Variants in DSCAM observed in about 807,000 individuals in gnomAD.
DSCAM encodes the protein DS cell adhesion molecule.
A neutral mutation model predicts 217.7 loss-of-function variants in DSCAM; 47 were observed. That is an observed-to-expected ratio of 0.22 (90% CI 0.17 to 0.28). The LOEUF is 0.28. Ranked by LOEUF, DSCAM falls within the 10% of genes least tolerant of loss-of-function variation. The pLI, the probability that DSCAM is intolerant of heterozygous loss-of-function variation, is 1.00. For synonymous variants in DSCAM, 1,056 were observed against 1,015.3 expected (o/e 1.04, Z -0.76); for missense variants, 2,080 against 2,618.3 (o/e 0.79, Z 4.49).
intron 3 of DSCAM, among the ~76,000 whole-genome samples, chr21:40,417,223 T>C (rs2075380636): frequency 6.6e-6 from 1 of 152,220 alleles, no homozygotes; most frequent in South Asian, 2.1e-4. Context: ...TAATATTTCA[T>C]ACAGATTTAA....
At chr21:40,578,344 A>C (rs1332558849) in intron 3 of DSCAM, among the ~76,000 whole-genome samples, 1 of 152,178 alleles carries the variant, frequency 6.6e-6, no homozygotes, top group Non-Finnish European at 1.5e-5. Context: ...ATCTAGCTAA[A>C]GGATTGTAAA....
intron 15 of DSCAM, among the ~76,000 whole-genome samples, chr21:40,168,999 AATTATC>A (rs1259078655): frequency 4.6e-5 from 7 of 152,188 alleles, no homozygotes; most frequent in Admixed American, 2.6e-4. Context: ...ATCATAATAT[AATTATC>A]ATTAAGTGTT....
chr21:40,744,505 T>C (rs1328778671), intron 1 of DSCAM, among the ~76,000 whole-genome samples: 2 of 151,990 alleles, frequency 1.3e-5, no homozygotes, highest in Admixed American at 1.3e-4. Context: ...CGTATTTAAG[T>C]CTTTCCCAGA....
intron 3 of DSCAM, among the ~76,000 whole-genome samples, chr21:40,651,502 A>G (rs1235394626): frequency 6.6e-6 from 1 of 152,138 alleles, no homozygotes; most frequent in East Asian, 1.9e-4. Context: ...ATACCTGCTC[A>G]TATCCCATCT....
At chr21:40,833,049 C>G (rs2092024756) in intron 1 of DSCAM, among the ~76,000 whole-genome samples, 1 of 152,098 alleles carries the variant, frequency 6.6e-6, no homozygotes. Flanking sequence ...CTAAAATAAA[C>G]CGAGAACACC....
At chr21:40,525,064 A>G (rs2076390262) in intron 3 of DSCAM, among the ~76,000 whole-genome samples, 1 of 150,922 alleles carries the variant, frequency 6.6e-6, no homozygotes. Flanking sequence ...ATTCAAATAC[A>G]TTATTTTCAA....
intron 11 of DSCAM, among the ~76,000 whole-genome samples, chr21:40,220,276 G>A (rs934988604): frequency 1.3e-5 from 2 of 152,134 alleles, no homozygotes; most frequent in Admixed American, 6.6e-5. Flanking sequence ...AACCAACCTC[G>A]AGTGGCTATT....
intron 31 of DSCAM, 29 bp from the exon 32 acceptor site, chr21:40,042,702 G>C: frequency 6.4e-7 from 1 of 1,564,886 alleles, no homozygotes; most frequent in Non-Finnish European, 8.6e-7. Context: ...AAACAAGACG[G>C]ACGACTCACC....
At position 40,356,261 on chromosome 21, in the gene DSCAM, T is replaced by C. The variant is rs2074691590; in HGVS notation, c.656-2518A>G. Among the ~76,000 whole-genome samples the C allele has an allele frequency of 3.3e-5, 5 of 152,088 alleles. No homozygotes were observed. In the South Asian group the frequency reaches 1.0e-3, roughly 32 times the overall value. On this transcript the variant is annotated intron_variant, in intron 4 of 32. Coordinates refer to ENST00000400454, the MANE Select transcript of DSCAM (RefSeq NM_001389.5). Reference sequence around the variant, plus strand: ...ACAGTGACTACAGTTAATAACACTATCTTACATACTTGAAATTTGCAAAGA... The same window carrying C: ...ACAGTGACTACAGTTAATAACACTACCTTACATACTTGAAATTTGCAAAGA...
rs4557072 is a variant in DSCAM at position 40,457,474 on chromosome 21, G to T, written c.509-88229C>A. ...CTGTAGTGAGCCACAGTTGCACCAC[G>T]GCACCCCAGCCTGGGGGACAGAGAA... On this transcript the variant is annotated intron_variant, in intron 3 of 32. Transcript: ENST00000400454. Among the ~76,000 whole-genome samples the T allele has an allele frequency of 1.7e-3, 260 of 151,934 alleles. 3 individuals are homozygous for T. Among genetic ancestry groups the T allele is most frequent in the African/African-American group, 5.5e-3 (229 of 41,438 alleles).
intron 15 of DSCAM, among the ~76,000 whole-genome samples, chr21:40,173,473 C>G (rs1008375343): frequency 6.6e-6 from 1 of 152,056 alleles, no homozygotes; most frequent in African/African-American, 2.4e-5. Context: ...TTCTTCAAAC[C>G]CAGGATGGAG....
chr21:40,670,839 G>T (rs1461664215), intron 3 of DSCAM, among the ~76,000 whole-genome samples: 1 of 152,120 alleles, frequency 6.6e-6, no homozygotes, highest in Non-Finnish European at 1.5e-5. Flanking sequence ...TTTTAAGTTA[G>T]TTCTCAGTTG....
chr21:40,485,206 T>C (rs1474188038), intron 3 of DSCAM, among the ~76,000 whole-genome samples: 1 of 151,118 alleles, frequency 6.6e-6, no homozygotes, highest in African/African-American at 2.4e-5. Flanking sequence ...TCAGCCACTC[T>C]ACATATTTCA....
chr21:40,597,776 T>G (rs557717709), intron 3 of DSCAM, among the ~76,000 whole-genome samples: 28 of 152,232 alleles, frequency 1.8e-4, no homozygotes, highest in African/African-American at 6.0e-4. Flanking sequence ...TCTCCCAAAG[T>G]GCTGGGATTA....
At chr21:40,254,483 G>A (rs1306902710) in intron 11 of DSCAM, among the ~76,000 whole-genome samples, 2 of 152,194 alleles carry the variant, frequency 1.3e-5, no homozygotes, top group African/African-American at 4.8e-5. Flanking sequence ...TTGGCAATAC[G>A]AATGCATCTG....
chr21:40,033,670 A>G (rs1230221835), intron 32 of DSCAM, among the ~76,000 whole-genome samples: 1 of 151,826 alleles, frequency 6.6e-6, no homozygotes, highest in Non-Finnish European at 1.5e-5. Context: ...GGTGGAGCCC[A>G]CCACAGCTCA....
At chr21:40,395,386 C>T (rs2075169836) in intron 3 of DSCAM, among the ~76,000 whole-genome samples, 1 of 151,090 alleles carries the variant, frequency 6.6e-6, no homozygotes, top group Non-Finnish European at 1.5e-5. Flanking sequence ...TGGTATCCAG[C>T]TGTAAAATGA....
chr21:40,239,105 T>C (rs1003204477), intron 11 of DSCAM, among the ~76,000 whole-genome samples: 3 of 152,198 alleles, frequency 2.0e-5, no homozygotes, highest in African/African-American at 7.2e-5. Flanking sequence ...CCATCATTTC[T>C]CCCTATCTCT....
At chr21:40,062,143 TAG>T (rs900000927) in intron 28 of DSCAM, among the ~76,000 whole-genome samples, 4 of 152,070 alleles carry the variant, frequency 2.6e-5, no homozygotes, top group African/African-American at 4.8e-5. Flanking sequence ...GGGTGGAAAA[TAG>T]AGTTTGGGGA....
Sources: allele counts gnomAD v4.1 joint callset (sites outside exome capture counted in the v4.1 genomes callset), GRCh38; gene constraint gnomAD v4.1.1; transcripts MANE v1.5; gene names NCBI Gene and HGNC (gene_info 2026-07-23, HGNC 2026-07-21).